CNDP1: variants seen among roughly 807,000 people sequenced by gnomAD.
The protein encoded by CNDP1 is carnosine dipeptidase 1.
In CNDP1, 44 loss-of-function variants were observed where a neutral mutation model predicts 58.1. The observed-to-expected ratio is 0.76, with a 90% CI of 0.60 to 0.97. CNDP1 has a LOEUF of 0.97. Among genes scored for constraint, CNDP1 ranks in the 50% least tolerant of loss-of-function variants. The probability of loss-of-function intolerance (pLI) is 0.00; values close to 1 mark genes in which losing one functional copy is unlikely to be tolerated. For synonymous variants in CNDP1, 254 were observed against 252.6 expected (o/e 1.01, Z -0.05); for missense variants, 616 against 655.1 (o/e 0.94, Z 0.65).
intron 1 of CNDP1, among the ~76,000 whole-genome samples, chr18:74,541,575 A>G (rs1414493736): frequency 6.6e-6 from 1 of 152,164 alleles, no homozygotes. Context: ...AAATATGCAC[A>G]TGCGGTTGGT....
chr18:74,566,514 T>C (rs1487926873), intron 5 of CNDP1, among the ~76,000 whole-genome samples: 1 of 152,206 alleles, frequency 6.6e-6, no homozygotes, highest in Non-Finnish European at 1.5e-5. Flanking sequence ...ATCATCTCTC[T>C]CAAGTTCAAA....
rs144792835 is a variant in CNDP1, at chr18:74,537,859, G to A, written c.24+3168G>A. On this transcript the variant is annotated intron_variant, in intron 1 of 11. Transcript: ENST00000358821. The stretch of plus-strand genomic sequence containing the variant: ...TCCTTGTTTCTTTCCACATAAAGCG[G>A]CATTCTTGTTAAAACCATAGAGTAG... Among the ~76,000 whole-genome samples, 277 of 152,288 alleles carry A rather than the reference G, an allele frequency of 1.8e-3. 2 individuals carry two copies. Among genetic ancestry groups the A allele is most frequent in the African/African-American group, 6.4e-3 (264 of 41,542 alleles).
chr18:74,578,526 C>A (rs1599102663), intron 9 of CNDP1, among the ~76,000 whole-genome samples, 199 bp downstream of exon 9: 1 of 152,012 alleles, frequency 6.6e-6, no homozygotes, highest in East Asian at 1.9e-4. Context: ...CTTTGAGAGA[C>A]CAAGGCTAGA....
chr18:74,540,057 G>A (rs555647796), intron 1 of CNDP1, among the ~76,000 whole-genome samples: 1 of 151,772 alleles, frequency 6.6e-6, no homozygotes, highest in African/African-American at 2.4e-5. Flanking sequence ...TACAACCTGT[G>A]GTCAACTTTA....
intron 6 of CNDP1, among the ~76,000 whole-genome samples, chr18:74,567,766 G>A (rs748033999): frequency 4.6e-5 from 7 of 152,228 alleles, no homozygotes; most frequent in South Asian, 2.1e-4. Context: ...AGCAGACTGC[G>A]CGATCAATGC....
intron 1 of CNDP1, among the ~76,000 whole-genome samples, chr18:74,548,258 G>C (rs1230624083): frequency 1.3e-5 from 2 of 152,170 alleles, no homozygotes; most frequent in Non-Finnish European, 2.9e-5. Context: ...CTTGGTGGGA[G>C]GTGTTTGGGT....
chr18:74,576,981 A>G lies in CNDP1; in HGVS notation c.954A>G (p.Glu318=), dbSNP rs771224615. 25 of 1,613,308 alleles carry G rather than the reference A, an allele frequency of 1.5e-5. No individual in the cohort carries two copies. Among genetic ancestry groups the G allele is most frequent in the Non-Finnish European group, 2.0e-5 (24 of 1,179,690 alleles). ...NTYKAIHLDL[E]EYRNSSRVEK... ...ACAAAGCCATCCATCTAGACCTAGA[A>G]GAATACCGGAATAGCAGCCGGGTTG... Residue 318 remains glutamate (E), a synonymous_variant, in exon 8 of 12, where the codon GAA becomes GAG. Transcript: ENST00000358821.
At chr18:74,564,403 A>T (rs928665048) in intron 5 of CNDP1, among the ~76,000 whole-genome samples, 1 of 152,238 alleles carries the variant, frequency 6.6e-6, no homozygotes, top group Non-Finnish European at 1.5e-5. Context: ...CCCTAATATT[A>T]ACTAGAAAAA....
At chr18:74,535,896 G>T (rs1223316941) in intron 1 of CNDP1, among the ~76,000 whole-genome samples, 2 of 152,064 alleles carry the variant, frequency 1.3e-5, no homozygotes, top group Non-Finnish European at 2.9e-5. Context: ...GCCAGGCAGG[G>T]TGGAGCATGC....
intron 1 of CNDP1, among the ~76,000 whole-genome samples, chr18:74,552,623 T>C (rs1980939414): frequency 6.6e-6 from 1 of 152,240 alleles, no homozygotes; most frequent in Non-Finnish European, 1.5e-5. Context: ...AAAAATCATT[T>C]TGTATAGCCA....
rs1215666514 is a variant in CNDP1, at chr18:74,560,912, C to T, written c.360C>T (p.Ser120=). The change falls in exon 4 of 12, where the codon AGC becomes AGT. Residue 120 remains serine, a synonymous_variant. Coordinates refer to ENST00000358821, the MANE Select transcript of CNDP1 (RefSeq NM_032649.6). ...CCGTCATCCTGGCCGAACTGGGGAG[C>T]GATCCCACGAAAGGCACCGTGTGCT... ...IPPVILAELG[S]DPTKGTVCFY... The T allele has an allele frequency of 9.9e-6, 16 of 1,614,096 alleles. No individual in the cohort carries two copies. Among genetic ancestry groups the T allele is most frequent in the East Asian group, 2.2e-5 (1 of 44,870 alleles).
intron 1 of CNDP1, among the ~76,000 whole-genome samples, chr18:74,539,963 G>A (rs1980576354): frequency 6.6e-6 from 1 of 152,164 alleles, no homozygotes; most frequent in African/African-American, 2.4e-5. Flanking sequence ...ATATCTTGAA[G>A]GTGAGCACAT....
intron 7 of CNDP1, chr18:74,576,625 CCA>C (rs1226818589): frequency 2.5e-6 from 1 of 393,606 alleles, no homozygotes. Flanking sequence ...GTGTTTTCAG[CCA>C]CACCTTTGAC....
intron 1 of CNDP1, among the ~76,000 whole-genome samples, chr18:74,539,486 A>C (rs1275332393): frequency 3.3e-5 from 5 of 152,220 alleles, no homozygotes; most frequent in South Asian, 2.1e-4. Context: ...TATCCTGCGC[A>C]TGAGGCATTC....
At chr18:74,542,656 G>T (rs562304636) in intron 1 of CNDP1, among the ~76,000 whole-genome samples, 1 of 152,186 alleles carries the variant, frequency 6.6e-6, no homozygotes, top group African/African-American at 2.4e-5. Flanking sequence ...CTCCTGAGTT[G>T]CTGGGACTAT....
intron 5 of CNDP1, among the ~76,000 whole-genome samples, chr18:74,563,971 G>A (rs938176882): frequency 1.3e-5 from 2 of 152,176 alleles, no homozygotes; most frequent in African/African-American, 4.8e-5. Flanking sequence ...CAGATATTAA[G>A]ATTTCAGAAC....
In CNDP1 at chr18:74,583,653, A is replaced by C; in HGVS notation, c.1402A>C (p.Ile468Leu). 6.2e-7 allele frequency: 1 copy of C among 1,614,226 alleles called. No homozygotes were observed. Among genetic ancestry groups the C allele is most frequent in the Non-Finnish European group, 8.5e-7 (1 of 1,180,030 alleles). Reference sequence around the variant, plus strand: ...GATCGTCCACAAGAGCGTGGTGCTAATTCCGCTGGGAGCTGTTGATGATGG... The same window carrying C: ...GATCGTCCACAAGAGCGTGGTGCTACTTCCGCTGGGAGCTGTTGATGATGG... ...QEIVHKSVVL[I>L]PLGAVDDGEH... The change falls in exon 11 of 12, where the codon ATT (isoleucine) becomes CTT (leucine). Residue 468 changes from isoleucine (I) to leucine (L), a missense_variant. Physicochemically the swap from Ile to Leu is conservative, Grantham distance 5 (BLOSUM62 2). Coordinates refer to ENST00000358821, the MANE Select transcript of CNDP1 (RefSeq NM_032649.6).
At chr18:74,548,461 G>A (rs995646147) in intron 1 of CNDP1, among the ~76,000 whole-genome samples, 1 of 152,156 alleles carries the variant, frequency 6.6e-6, no homozygotes, top group Non-Finnish European at 1.5e-5. Flanking sequence ...CTGAGCAGAT[G>A]CCGGCACCAT....
chr18:74,580,135 A>T lies in CNDP1; in HGVS notation c.1173A>T (p.Thr391=). ...TTGAAAATGTCACCTTTTAGGTGAC[A>T]CGACATCTTGAAGATGTGTTCTCCA... ...MNVSAVEKQV[T]RHLEDVFSKR... is the part of the protein sequence containing the mutation. The change falls in exon 10 of 12, where the codon ACA becomes ACT. Residue 391 remains threonine (T), a synonymous_variant. Coordinates refer to ENST00000358821, the MANE Select transcript of CNDP1 (RefSeq NM_032649.6). 1 of 1,612,932 alleles carries T rather than the reference A, an allele frequency of 6.2e-7. No homozygotes were observed. Among genetic ancestry groups the T allele is most frequent in the East Asian group, 2.2e-5 (1 of 44,874 alleles).
Sources: gnomAD v4.1 joint callset for allele counts (sites outside exome capture counted in the v4.1 genomes callset) on GRCh38, gnomAD v4.1.1 for gene constraint, MANE v1.5 for transcripts, NCBI Gene and HGNC (gene_info 2026-07-23, HGNC 2026-07-21) for gene names.